PLCB1: variants seen among roughly 807,000 people sequenced by gnomAD.
PLCB1 encodes phospholipase C beta 1, also known as 1-phosphatidylinositol 4,5-bisphosphate phosphodiesterase beta-1.
In PLCB1, 46 loss-of-function variants were observed where a neutral mutation model predicts 161.8. The ratio of observed to expected loss-of-function variants is 0.28; its 90% CI spans 0.22 to 0.36. The LOEUF is 0.36. PLCB1 is among the 10% of genes least tolerant of loss of function. The pLI is 1.00. For missense variants in PLCB1, 1,016 were observed against 1,472.5 expected (o/e 0.69, Z 5.07); for synonymous variants, 517 against 503.7 (o/e 1.03, Z -0.35).
At chr20:8,463,571 A>T (rs935448757) in intron 3 of PLCB1, among the ~76,000 whole-genome samples, 1 of 152,188 alleles carries the variant, frequency 6.6e-6, no homozygotes, top group African/African-American at 2.4e-5. Flanking sequence ...ATTTATGTTG[A>T]TGTAGTTACT....
intron 4 of PLCB1, among the ~76,000 whole-genome samples, chr20:8,629,845 C>CTT (rs1254604125): frequency 1.1e-5 from 1 of 93,446 alleles, no homozygotes; most frequent in Admixed American, 1.3e-4. Context: ...TTCTTTCTTT[C>CTT]TTTCTTTCTT....
At chr20:8,781,433 CACACACACACACACAA>C (rs1983230035) in intron 27 of PLCB1, among the ~76,000 whole-genome samples, 1 of 88,214 alleles carries the variant, frequency 1.1e-5, no homozygotes, top group South Asian at 3.5e-4. Context: ...CACACACACA[CACACACACACACACAA>C]AGATCCAAAT....
rs151088662 is a variant in PLCB1 at position 8,392,084 on chromosome 20, G to A, written c.246+20634G>A. 2.4e-3 allele frequency among the ~76,000 whole-genome samples: 366 copies of A among 151,916 alleles called. 3 individuals are homozygous for A. The highest frequency in any genetic ancestry group is 8.4e-3 in the African/African-American group (347 of 41,402). On this transcript the variant is annotated intron_variant, in intron 3 of 31. Transcript: ENST00000338037. ...GAGTTCCTATAGTTTGAAAGTTTGC[G>A]TCCCCTCCAATATTCATGTTGAAAC...
intron 3 of PLCB1, among the ~76,000 whole-genome samples, chr20:8,408,134 A>G (rs771224195): frequency 6.6e-6 from 1 of 152,010 alleles, no homozygotes; most frequent in Non-Finnish European, 1.5e-5. Context: ...CAAATATATC[A>G]TACTAATGTA....
chr20:8,364,383 T>C (rs567201001), intron 2 of PLCB1, among the ~76,000 whole-genome samples: 1 of 152,310 alleles, frequency 6.6e-6, no homozygotes, highest in South Asian at 2.1e-4. Context: ...ACCGATAATA[T>C]CCGCAGGCAT....
chr20:8,521,738 C>T (rs1176672799), intron 3 of PLCB1, among the ~76,000 whole-genome samples: 1 of 152,148 alleles, frequency 6.6e-6, no homozygotes, highest in African/African-American at 2.4e-5. Context: ...CAATGGAATG[C>T]TAGTTCAAAT....
At chr20:8,222,895 A>G (rs575983641) in intron 2 of PLCB1, among the ~76,000 whole-genome samples, 3 of 152,230 alleles carry the variant, frequency 2.0e-5, no homozygotes, top group East Asian at 3.9e-4. Context: ...ACAAATGTGT[A>G]TGTCATCCTT....
chr20:8,315,771 C>G (rs1984618523), intron 2 of PLCB1, among the ~76,000 whole-genome samples: 1 of 152,164 alleles, frequency 6.6e-6, no homozygotes, highest in Middle Eastern at 3.4e-3. Flanking sequence ...TGAGCGTAGG[C>G]AAGGGAAAGA....
chr20:8,378,464 T>C (rs990510152), intron 3 of PLCB1, among the ~76,000 whole-genome samples: 1 of 152,236 alleles, frequency 6.6e-6, no homozygotes, highest in African/African-American at 2.4e-5. Context: ...GTCTTAAAAA[T>C]CAGTTATTTT....
chr20:8,676,266 CA>C (rs1990071685), intron 9 of PLCB1, among the ~76,000 whole-genome samples: 2 of 152,062 alleles, frequency 1.3e-5, no homozygotes, highest in African/African-American at 2.4e-5. Context: ...GAGGCTGAGG[CA>C]GGGGAATCAC....
At chr20:8,591,812 A>G (rs1329860650) in intron 3 of PLCB1, among the ~76,000 whole-genome samples, 1 of 152,170 alleles carries the variant, frequency 6.6e-6, no homozygotes, top group Non-Finnish European at 1.5e-5. Context: ...GGGGTGACTG[A>G]GAAACATATT....
chr20:8,402,642 G>A (rs1328584365), intron 3 of PLCB1, among the ~76,000 whole-genome samples: 1 of 151,024 alleles, frequency 6.6e-6, no homozygotes, highest in Non-Finnish European at 1.5e-5. Context: ...AGACCAGCCT[G>A]GCTAACATGG....
intron 2 of PLCB1, among the ~76,000 whole-genome samples, chr20:8,195,494 G>A (rs142660638): frequency 9.5e-4 from 145 of 152,158 alleles, no homozygotes; most frequent in African/African-American, 3.3e-3. Context: ...CTCATGTAGT[G>A]TGTCTGCATC....
chr20:8,606,534 A>C (rs1039575172), intron 3 of PLCB1, among the ~76,000 whole-genome samples: 1 of 152,160 alleles, frequency 6.6e-6, no homozygotes, highest in African/African-American at 2.4e-5. Flanking sequence ...TTAGTGCCCT[A>C]ATGCTACCAC....
intron 10 of PLCB1, among the ~76,000 whole-genome samples, chr20:8,695,041 C>A (rs1457433720): frequency 6.6e-6 from 1 of 152,158 alleles, no homozygotes; most frequent in Non-Finnish European, 1.5e-5. Context: ...TTTGAAAAGG[C>A]AATTAGGAAT....
At chr20:8,871,628 T>C (rs1481638068) in intron 31 of PLCB1, among the ~76,000 whole-genome samples, 1 of 152,186 alleles carries the variant, frequency 6.6e-6, no homozygotes, top group Non-Finnish European at 1.5e-5. Flanking sequence ...GGGCCTTGCA[T>C]GGGTCAGAGT....
At chr20:8,623,984 A>G (rs1340448542) in intron 3 of PLCB1, 4 of 152,224 alleles carry the variant, frequency 2.6e-5, no homozygotes, top group African/African-American at 9.6e-5. Context: ...TCTGAGATGC[A>G]AATGTTGAAT....
intron 2 of PLCB1, among the ~76,000 whole-genome samples, chr20:8,198,616 A>C (rs891095181): frequency 1.6e-4 from 24 of 152,194 alleles, no homozygotes; most frequent in African/African-American, 5.8e-4. Flanking sequence ...TCCAGCCATC[A>C]AGGGAAATGT....
chr20:8,324,679 C>T (rs1985073726), intron 2 of PLCB1, among the ~76,000 whole-genome samples: 2 of 152,110 alleles, frequency 1.3e-5, no homozygotes, highest in Admixed American at 6.5e-5. Context: ...CATTAATGTT[C>T]TCTCATTTTT....
Sources: allele counts gnomAD v4.1 joint callset (sites outside exome capture counted in the v4.1 genomes callset), GRCh38; gene constraint gnomAD v4.1.1; transcripts MANE v1.5; gene names NCBI Gene and HGNC (gene_info 2026-07-23, HGNC 2026-07-21).